Variants in HECW1 observed in about 807,000 individuals in gnomAD.
HECW1 encodes E3 ubiquitin-protein ligase HECW1.
In HECW1, 61 loss-of-function variants were observed where a neutral mutation model predicts 182.3. That is an observed-to-expected ratio of 0.33 (90% CI 0.27 to 0.41). The LOEUF is 0.41. Ranked by LOEUF, HECW1 falls within the 10% of genes least tolerant of loss-of-function variation. HECW1 has a pLI of 1.00. For missense variants in HECW1, 1,739 were observed against 2,108.9 expected (o/e 0.82, Z 3.44); for synonymous variants, 859 against 832.6 (o/e 1.03, Z -0.55).
Position 43,320,790 on chromosome 7 carries a change from G to C in HECW1, c.460+48G>C, listed in dbSNP as rs201002842. The stretch of plus-strand genomic sequence containing the variant: ...TGGCTTGGCAGACATGGATGAAGCA[G>C]AATTCAACTGTTTCATTATTTGTTC... On this transcript the variant is annotated intron_variant, in intron 5 of 29. Transcript: ENST00000395891. 52 of 1,341,836 alleles carry C rather than the reference G, an allele frequency of 3.9e-5. No homozygotes were observed. The Middle Eastern group carries it at 5.4e-4, about 14-fold the overall frequency. The allele number at this position is 1,341,836 out of a possible 1,614,324, so 83.1% of individuals were successfully genotyped here.
At chr7:43,392,743 C>T (rs1317348207) in intron 6 of HECW1, among the ~76,000 whole-genome samples, 3 of 152,158 alleles carry the variant, frequency 2.0e-5, no homozygotes, top group African/African-American at 7.2e-5. Context: ...ATCTTTCATG[C>T]AGTGATACTG....
At chr7:43,224,914 G>A (rs946300392) in intron 2 of HECW1, among the ~76,000 whole-genome samples, 2 of 152,316 alleles carry the variant, frequency 1.3e-5, no homozygotes, top group African/African-American at 4.8e-5. Context: ...GCTGGGAGAG[G>A]CCTGGAAAAA....
At chr7:43,119,419 T>C (rs1175382368) in intron 2 of HECW1, among the ~76,000 whole-genome samples, 2 of 152,232 alleles carry the variant, frequency 1.3e-5, no homozygotes, top group Admixed American at 6.5e-5. Context: ...GCTCTTTGGA[T>C]GGCCCCTGAG....
intron 3 of HECW1, among the ~76,000 whole-genome samples, chr7:43,253,106 G>A (rs1488315931): frequency 6.6e-6 from 1 of 151,338 alleles, no homozygotes; most frequent in Non-Finnish European, 1.5e-5. Context: ...TCAGTAGCTG[G>A]TCAAGGCTCA....
chr7:43,221,451 T>C (rs1189906802), intron 2 of HECW1, among the ~76,000 whole-genome samples: 1 of 150,036 alleles, frequency 6.7e-6, no homozygotes, highest in Non-Finnish European at 1.5e-5. Flanking sequence ...TTTTTAAATC[T>C]CCTTATCTCT....
At chr7:43,205,505 G>A (rs189642394) in intron 2 of HECW1, among the ~76,000 whole-genome samples, 1 of 152,292 alleles carries the variant, frequency 6.6e-6, no homozygotes, top group African/African-American at 2.4e-5. Context: ...CACTTGTGCT[G>A]CAAGTCGTAG....
intron 2 of HECW1, among the ~76,000 whole-genome samples, chr7:43,139,121 T>C (rs1787886219): frequency 6.6e-6 from 1 of 152,208 alleles, no homozygotes. Flanking sequence ...ATCTTCTTTA[T>C]TCTTAATGAG....
intron 5 of HECW1, among the ~76,000 whole-genome samples, chr7:43,336,144 T>TCTCTCTC (rs1812211759): frequency 1.9e-4 from 10 of 51,982 alleles, no homozygotes; most frequent in African/African-American, 4.3e-4. Context: ...CTCTCTCTCT[T>TCTCTCTC]TCTCTCTCTC....
chr7:43,232,284 C>T (rs1044137893), intron 2 of HECW1, among the ~76,000 whole-genome samples: 2 of 152,124 alleles, frequency 1.3e-5, no homozygotes, highest in African/African-American at 4.8e-5. Context: ...ACTATAAGAA[C>T]CCTCCTTCAA....
At chr7:43,289,653 C>T (rs1805134424) in intron 3 of HECW1, among the ~76,000 whole-genome samples, 1 of 152,222 alleles carries the variant, frequency 6.6e-6, no homozygotes, top group Non-Finnish European at 1.5e-5. Context: ...AACAGAAGAA[C>T]AGAACTCTGT....
chr7:43,159,105 G>GTTTA (rs141662347), intron 2 of HECW1, among the ~76,000 whole-genome samples: 10,930 of 150,700 alleles, frequency 0.073, 1,057 homozygotes, highest in African/African-American at 0.23. Context: ...GAATCTGACA[G>GTTTA]TTTATTTATT....
At chr7:43,317,809 T>TTTTG (rs756876398) in intron 4 of HECW1, among the ~76,000 whole-genome samples, 1 of 142,510 alleles carries the variant, frequency 7.0e-6, no homozygotes. Context: ...TTTCTCATTA[T>TTTTG]TGTGTGTGTG....
intron 2 of HECW1, among the ~76,000 whole-genome samples, chr7:43,207,382 C>T (rs1795583376): frequency 6.6e-6 from 1 of 152,172 alleles, no homozygotes; most frequent in South Asian, 2.1e-4. Flanking sequence ...TAATATTGTA[C>T]ATTCGTGGTG....
rs10239727 is a variant in HECW1, at chr7:43,488,416, G to A, written c.3235-3659G>A. ...GAAGGAAGGAAATGAAAGAAAGAGA[G>A]AGAGAGAAAGAAAGAAAGAGAAAGA... On this transcript the variant is annotated intron_variant, in intron 17 of 29. Coordinates refer to ENST00000395891, the MANE Select transcript of HECW1 (RefSeq NM_015052.5). Among the ~76,000 whole-genome samples, 215 of 114,570 alleles carry A rather than the reference G, an allele frequency of 1.9e-3. 4 individuals are homozygous for A. The highest frequency in any genetic ancestry group is 2.9e-3 in the Non-Finnish European group (157 of 53,450). The allele number at this position is 114,570 out of a possible 152,430, so 75.2% of individuals were successfully genotyped here.
intron 2 of HECW1, among the ~76,000 whole-genome samples, chr7:43,124,524 A>T (rs138013771): frequency 5.6e-4 from 85 of 152,328 alleles, no homozygotes; most frequent in African/African-American, 1.8e-3. Context: ...GTGAGCACAC[A>T]TCTCCCAGGA....
At chr7:43,393,341 A>G (rs1422214751) in intron 6 of HECW1, among the ~76,000 whole-genome samples, 1 of 152,204 alleles carries the variant, frequency 6.6e-6, no homozygotes, top group Non-Finnish European at 1.5e-5. Context: ...ATTTGGGCTG[A>G]GTCTTCACAT....
chr7:43,362,839 T>C (rs1816136977), intron 6 of HECW1, among the ~76,000 whole-genome samples: 1 of 152,160 alleles, frequency 6.6e-6, no homozygotes, highest in South Asian at 2.1e-4. Flanking sequence ...CACACAGCAG[T>C]TCACTGAATG....
intron 29 of HECW1, among the ~76,000 whole-genome samples, chr7:43,556,373 A>T (rs983358964): frequency 1.3e-5 from 2 of 152,200 alleles, no homozygotes; most frequent in African/African-American, 2.4e-5. Flanking sequence ...GTTGAGAAAG[A>T]GTTTGGTGAG....
chr7:43,373,201 CTTTTTT>C (rs71562094), intron 6 of HECW1, among the ~76,000 whole-genome samples: 2 of 125,998 alleles, frequency 1.6e-5, no homozygotes, highest in African/African-American at 6.0e-5. Flanking sequence ...TGCCTTCTTC[CTTTTTT>C]TTTTTTTTTT....
Sources: allele counts gnomAD v4.1 joint callset (sites outside exome capture counted in the v4.1 genomes callset), GRCh38; gene constraint gnomAD v4.1.1; transcripts MANE v1.5; gene names NCBI Gene and HGNC (gene_info 2026-07-23, HGNC 2026-07-21).